Variants in MYOM2 observed in about 807,000 individuals in gnomAD.
The protein encoded by MYOM2 is myomesin 2, also known as myomesin-2.
MYOM2 carries 254 observed loss-of-function variants against 187.6 expected under a neutral mutation model. That is an observed-to-expected ratio of 1.35 (90% CI 1.22 to 1.50). The LOEUF (loss-of-function observed/expected upper bound fraction) is 1.50, where lower values mean the gene tolerates loss of function less well. Ranked by LOEUF, MYOM2 falls within the 40% of genes most tolerant of loss-of-function variation. MYOM2 has a pLI of 0.00. For synonymous variants in MYOM2, 981 were observed against 753.8 expected (o/e 1.30, Z -4.94); for missense variants, 2,796 against 1,924.0 (o/e 1.45, Z -8.48).
intron 21 of MYOM2, among the ~76,000 whole-genome samples, chr8:2,104,180 C>T (rs554755054): frequency 5.5e-4 from 84 of 152,216 alleles, no homozygotes; most frequent in Middle Eastern, 3.4e-3. Context: ...TTGATTTCAA[C>T]GAATAAAAGT....
Position 2,098,965 on chromosome 8 carries a change from T to C in MYOM2, c.2422T>C (p.Trp808Arg), listed in dbSNP as rs775937932. ...CAGTGAGCACTTCAAGTGTGAGGCCTGGACCATGCCGGAGCCCGGTGAGTC... is the reference window on the plus strand; with the variant it reads ...CAGTGAGCACTTCAAGTGTGAGGCCCGGACCATGCCGGAGCCCGGTGAGTC... Reference protein sequence around the residue: ...DPSEHFKCEAWTMPEPGPAYD... With the variant: ...DPSEHFKCEARTMPEPGPAYD... The change falls in exon 19 of 37, where the codon TGG becomes CGG. Residue 808 changes from tryptophan (W) to arginine (R), a missense_variant. Transcript: ENST00000262113. The C allele has an allele frequency of 1.6e-5, 26 of 1,610,644 alleles. No individual in the cohort carries two copies. The highest frequency in any genetic ancestry group is 5.0e-5 in the Admixed American group (3 of 59,866).
chr8:2,094,639 A>C (rs1037609189), intron 17 of MYOM2, among the ~76,000 whole-genome samples: 2 of 152,178 alleles, frequency 1.3e-5, no homozygotes, highest in Admixed American at 6.5e-5. Context: ...GGGACAGAGC[A>C]AGACTCCGTC....
chr8:2,124,160 T>C lies in MYOM2; in HGVS notation c.3656-19T>C. On this transcript the variant is annotated intron_variant, in intron 30 of 36. Transcript: ENST00000262113. ...TAAAGTTACATGTCGTAATGGTGCG[T>C]ATCCCTTCTCATTTTCAGTGTATGA... 1 of 1,609,326 alleles carries C rather than the reference T, an allele frequency of 6.2e-7. No homozygotes were observed. Among genetic ancestry groups the C allele is most frequent in the Non-Finnish European group, 8.5e-7 (1 of 1,176,974 alleles).
At chr8:2,104,688 G>C (rs925847249) in intron 21 of MYOM2, among the ~76,000 whole-genome samples, 2 of 152,102 alleles carry the variant, frequency 1.3e-5, no homozygotes, top group Non-Finnish European at 2.9e-5. Flanking sequence ...GGGATCTGCT[G>C]TGGTGGCTCC....
At chr8:2,101,171 C>A (rs1009173761) in intron 20 of MYOM2, 117 bp downstream of exon 20, 4 of 994,858 alleles carry the variant, frequency 4.0e-6, no homozygotes, top group Non-Finnish European at 5.9e-6. Context: ...CATGGAGAAG[C>A]CCCGTCTCTA....
chr8:2,109,442 C>A lies in MYOM2; in HGVS notation c.3091C>A (p.Arg1031=), dbSNP rs377671524. 1.2e-6 allele frequency: 2 copies of A among 1,612,306 alleles called. No individual in the cohort carries two copies. The highest frequency in any genetic ancestry group is 1.3e-5 in the African/African-American group (1 of 74,792). Residue 1031 remains arginine, a synonymous_variant, in exon 25 of 37, where the codon CGG becomes AGG. Coordinates refer to ENST00000262113, the MANE Select transcript of MYOM2 (RefSeq NM_003970.4). The part of the protein sequence containing the change: ...ELAYEIFDKG[R]VRFWLQAEHL... The stretch of plus-strand genomic sequence containing the variant: ...AGCTTATGAGATTTTTGATAAGGGG[C>A]GGGTTCGCTTCTGGCTCCAGGCTGA...
At chr8:2,100,588 C>T (rs571767735) in intron 19 of MYOM2, 25 of 417,922 alleles carry the variant, frequency 6.0e-5, no homozygotes, top group Non-Finnish European at 1.0e-4. Context: ...GCACACCGTT[C>T]CTCTCTGTGA....
chr8:2,118,665 C>G (rs781599577), intron 28 of MYOM2, among the ~76,000 whole-genome samples: 12 of 152,194 alleles, frequency 7.9e-5, no homozygotes, highest in Admixed American at 1.3e-4. Context: ...AGAAGCTGAA[C>G]TGTGCACTTA....
At chr8:2,134,751 G>A (rs934172263) in intron 32 of MYOM2, among the ~76,000 whole-genome samples, 1 of 152,114 alleles carries the variant, frequency 6.6e-6, no homozygotes, top group Non-Finnish European at 1.5e-5. Context: ...AGCTCCTTCC[G>A]GTTGTCGCCT....
intron 19 of MYOM2, among the ~76,000 whole-genome samples, chr8:2,100,065 C>CTTCCTTCCTTCT (rs1796635569): frequency 1.6e-5 from 1 of 64,436 alleles, no homozygotes; most frequent in African/African-American, 4.4e-5. Flanking sequence ...TCCTTCCTTC[C>CTTCCTTCCTTCT]TTCTTTCCTT....
In MYOM2 at chr8:2,073,399, T is replaced by G. The variant is rs757927003; in HGVS notation, c.1019T>G (p.Leu340Arg). 1 of 1,613,418 alleles carries G rather than the reference T, an allele frequency of 6.2e-7. No homozygotes were observed. ...TTCTTTGGAGAAGGCCAGGCCTCCC[T>G]GTCCTTCAGCCACCTGCACAAGGAC... ...KMFFGEGQAS[L>R]SFSHLHKDDE... The change falls in exon 10 of 37, where the codon CTG (leucine) becomes CGG (arginine). Residue 340 changes from leucine to arginine, a missense_variant. By Grantham distance (102) the Leu-to-Arg change is moderately radical. Coordinates refer to ENST00000262113, the MANE Select transcript of MYOM2 (RefSeq NM_003970.4).
At position 2,100,889 on chromosome 8, in the gene MYOM2, C is replaced by G. The variant is rs1796683941; in HGVS notation, c.2454C>G (p.Asp818Glu). ...CTGACTTCACAGGTCCTGCCTACGACTTGACGTTCTGTGAGGTCAGGGACA... is the reference window on the plus strand; with the variant it reads ...CTGACTTCACAGGTCCTGCCTACGAGTTGACGTTCTGTGAGGTCAGGGACA... ...WTMPEPGPAY[D>E]LTFCEVRDTS... Residue 818 changes from aspartate to glutamate, a missense_variant, in exon 20 of 37, where the codon GAC becomes GAG. Transcript: ENST00000262113. 1 of 1,614,066 alleles carries G rather than the reference C, an allele frequency of 6.2e-7. No homozygotes were observed. Among genetic ancestry groups the G allele is most frequent in the Admixed American group, 1.7e-5 (1 of 60,008 alleles).
At chr8:2,061,147 G>A (rs1818838910) in intron 6 of MYOM2, among the ~76,000 whole-genome samples, 1 of 151,610 alleles carries the variant, frequency 6.6e-6, no homozygotes, top group Non-Finnish European at 1.5e-5. Flanking sequence ...GGCCTGGTTG[G>A]GAAGAGGGTT....
intron 13 of MYOM2, among the ~76,000 whole-genome samples, chr8:2,084,245 C>T (rs1304077256): frequency 6.6e-6 from 1 of 152,192 alleles, no homozygotes; most frequent in African/African-American, 2.4e-5. Context: ...ACACTGACTC[C>T]TTGTGTGAAA....
At chr8:2,046,548 C>T (rs372810555) in intron 1 of MYOM2, among the ~76,000 whole-genome samples, 20 of 152,170 alleles carry the variant, frequency 1.3e-4, no homozygotes, top group Non-Finnish European at 2.6e-4. Flanking sequence ...TATCTACACA[C>T]AGGCTGTCCA....
intron 14 of MYOM2, 37 bp downstream of exon 14, chr8:2,085,427 C>G: frequency 6.2e-7 from 1 of 1,606,476 alleles, no homozygotes; most frequent in Non-Finnish European, 8.5e-7. Context: ...AAGTAGATCT[C>G]TGCATGGCCC....
In MYOM2 at chr8:2,109,377, TTTC is replaced by T. The variant is rs1796993022; in HGVS notation, c.3044-15_3044-13del. 1 of 1,588,196 alleles carries T rather than the reference TTTC, an allele frequency of 6.3e-7. No individual in the cohort carries two copies. Among genetic ancestry groups the T allele is most frequent in the Non-Finnish European group, 8.6e-7 (1 of 1,167,596 alleles). On this transcript the variant is annotated splice_polypyrimidine_tract_variant and intron_variant, in intron 24 of 36. Transcript: ENST00000262113. ...GGATTCATGCATTATTGACTTGCGA[TTTC>T]TTTTCTTCCTGTAGCAATTCCTCTG...
intron 15 of MYOM2, 134 bp downstream of exon 15, chr8:2,090,325 T>C (rs922764216): frequency 1.9e-5 from 15 of 770,802 alleles, no homozygotes; most frequent in South Asian, 5.3e-5. Flanking sequence ...AAAACTTCAC[T>C]TTACGAGAGA....
intron 13 of MYOM2, among the ~76,000 whole-genome samples, chr8:2,080,567 C>G (rs1456600494): frequency 6.6e-6 from 1 of 152,202 alleles, no homozygotes; most frequent in Non-Finnish European, 1.5e-5. Flanking sequence ...GGACCTAGAA[C>G]TCAGGAAGGA....
Sources: allele counts gnomAD v4.1 joint callset (sites outside exome capture counted in the v4.1 genomes callset), GRCh38; gene constraint gnomAD v4.1.1; transcripts MANE v1.5; gene names NCBI Gene and HGNC (gene_info 2026-07-23, HGNC 2026-07-21).